The following KIZ variants were observed in gnomAD, a reference collection of about 807,000 sequenced individuals.
The protein encoded by KIZ is kizuna centrosomal protein, also known as centrosomal protein kizuna.
KIZ carries 68 observed loss-of-function variants against 79.6 expected under a neutral mutation model. The ratio of observed to expected loss-of-function variants is 0.85; its 90% confidence interval spans 0.70 to 1.05. The LOEUF is 1.05. Ranked by LOEUF, KIZ falls within the 50% of genes least tolerant of loss-of-function variation. The pLI is 0.00. For synonymous variants in KIZ, 280 were observed against 281.8 expected (o/e 0.99, Z 0.06); for missense variants, 797 against 800.4 (o/e 1.00, Z 0.05).
chr20:21,243,942 G>A (rs1307286312), intron 11 of KIZ, among the ~76,000 whole-genome samples: 1 of 152,174 alleles, frequency 6.6e-6, no homozygotes, highest in Non-Finnish European at 1.5e-5. Flanking sequence ...AGGGGAACAT[G>A]CGATCATCCT....
chr20:21,157,461 A>G (rs2033439407), intron 4 of KIZ, among the ~76,000 whole-genome samples: 1 of 152,170 alleles, frequency 6.6e-6, no homozygotes, highest in South Asian at 2.1e-4. Flanking sequence ...TGTCACAGAG[A>G]GTGGTAAATA....
chr20:21,227,581 T>C (rs927709054), intron 9 of KIZ, among the ~76,000 whole-genome samples: 1 of 152,150 alleles, frequency 6.6e-6, no homozygotes, highest in Non-Finnish European at 1.5e-5. Context: ...CTCCTTACCT[T>C]TAGAATTCAG....
intron 9 of KIZ, 145 bp downstream of exon 9, chr20:21,215,793 A>G: frequency 9.3e-6 from 5 of 537,786 alleles, no homozygotes; most frequent in Admixed American, 3.1e-5. Context: ...TAATCCTAAG[A>G]GCAGAACATA....
chr20:21,153,167 CCTT>C (rs2033204556), intron 4 of KIZ, among the ~76,000 whole-genome samples: 1 of 152,148 alleles, frequency 6.6e-6, no homozygotes, highest in Non-Finnish European at 1.5e-5. Flanking sequence ...CTTAGCTCCT[CCTT>C]GTCACCTCGT....
chr20:21,223,579 T>TA (rs1245999185), intron 9 of KIZ, among the ~76,000 whole-genome samples: 6 of 151,944 alleles, frequency 3.9e-5, no homozygotes, highest in Non-Finnish European at 8.8e-5. Flanking sequence ...TCCTGCCTTT[T>TA]TAAAAAAAAA....
At chr20:21,230,478 C>T (rs543166423) in intron 10 of KIZ, among the ~76,000 whole-genome samples, 2 of 152,170 alleles carry the variant, frequency 1.3e-5, no homozygotes, top group South Asian at 4.1e-4. Flanking sequence ...AAAAGGAAAA[C>T]AAAAAATGTC....
intron 8 of KIZ, 146 bp from the exon 9 acceptor site, chr20:21,215,437 G>T: frequency 1.2e-5 from 5 of 409,602 alleles, no homozygotes; most frequent in Non-Finnish European, 1.8e-5. Context: ...TTTAGAATAG[G>T]TTTCCTTTTA....
At chr20:21,226,926 G>C (rs796398463) in intron 9 of KIZ, among the ~76,000 whole-genome samples, 1 of 152,198 alleles carries the variant, frequency 6.6e-6, no homozygotes, top group African/African-American at 2.4e-5. Context: ...CTCTGGTTGC[G>C]TGGGGCAGGA....
At chr20:21,241,018 T>C (rs1384908118) in intron 11 of KIZ, among the ~76,000 whole-genome samples, 1 of 152,234 alleles carries the variant, frequency 6.6e-6, no homozygotes, top group Non-Finnish European at 1.5e-5. Context: ...TTCTACACTC[T>C]CAGCAAACAT....
At position 21,205,560 on chromosome 20, in the gene KIZ, A is replaced by G. The variant is rs569934407; in HGVS notation, c.1422A>G (p.Glu474=). The stretch of plus-strand genomic sequence containing the variant: ...GTCAGCATGTTGCCACCTTGAAAGA[A>G]CATGATAATTCTGTCAAAGAAGAGG... ...QVGQHVATLK[E]HDNSVKEEAT... Residue 474 remains glutamate, a synonymous_variant, in exon 7 of 13, where the codon GAA becomes GAG. Transcript: ENST00000619189. 43 of 1,543,322 alleles carry G rather than the reference A, an allele frequency of 2.8e-5. No homozygotes were observed. The highest frequency in any genetic ancestry group is 2.2e-4 in the Admixed American group (12 of 54,806).
intron 6 of KIZ, among the ~76,000 whole-genome samples, chr20:21,185,535 G>A (rs1023913524): frequency 6.7e-5 from 10 of 148,548 alleles, no homozygotes; most frequent in African/African-American, 2.2e-4. Context: ...TCAGCCTCCC[G>A]AGTAGCTGGG....
intron 11 of KIZ, among the ~76,000 whole-genome samples, chr20:21,243,550 AT>A (rs2037288528): frequency 6.6e-6 from 1 of 152,206 alleles, no homozygotes; most frequent in South Asian, 2.1e-4. Context: ...GAATCTCAGC[AT>A]CATAAAACAT....
chr20:21,225,896 G>A (rs1265954257), intron 9 of KIZ, among the ~76,000 whole-genome samples: 1 of 152,204 alleles, frequency 6.6e-6, no homozygotes, highest in Non-Finnish European at 1.5e-5. Flanking sequence ...GATACAGACA[G>A]CCCCTTAAAA....
chr20:21,147,241 C>T (rs1399864481), intron 4 of KIZ, among the ~76,000 whole-genome samples: 1 of 151,958 alleles, frequency 6.6e-6, no homozygotes, highest in Non-Finnish European at 1.5e-5. Flanking sequence ...GTTGACAACC[C>T]CTTAAAATGT....
chr20:21,210,443 A>G (rs555113436), intron 7 of KIZ, among the ~76,000 whole-genome samples: 1 of 152,144 alleles, frequency 6.6e-6, no homozygotes, highest in South Asian at 2.1e-4. Context: ...TGTTCTATTT[A>G]CATCATTTCA....
chr20:21,194,427 A>G (rs1443399256), intron 6 of KIZ: 1 of 152,250 alleles, frequency 6.6e-6, no homozygotes, highest in Non-Finnish European at 1.5e-5. Context: ...TCTATAACAC[A>G]TAGTCTTTAA....
At chr20:21,209,234 C>T (rs1397517381) in intron 7 of KIZ, among the ~76,000 whole-genome samples, 1 of 152,138 alleles carries the variant, frequency 6.6e-6, no homozygotes. Context: ...TCTGCAGTGC[C>T]CACATAACCT....
intron 7 of KIZ, among the ~76,000 whole-genome samples, chr20:21,213,291 C>T (rs568059961): frequency 3.9e-4 from 59 of 152,316 alleles, no homozygotes; most frequent in Admixed American, 5.2e-4. Context: ...GCCTTCCGAC[C>T]GGACCTTCCA....
At position 21,162,025 on chromosome 20, in the gene KIZ, C is replaced by T. The variant is rs11553176; in HGVS notation, c.560C>T (p.Ser187Leu). The stretch of plus-strand genomic sequence containing the variant: ...TCTCCCCAGCCCACAAAGAACTTTT[C>T]AATTCCTGACCCACATTCACACCGA... Reference protein sequence around the residue: ...HKSPQPTKNFSIPDPHSHRQT... With the variant: ...HKSPQPTKNFLIPDPHSHRQT... The change falls in exon 5 of 13, where the codon TCA (serine) becomes TTA (leucine). Residue 187 changes from serine to leucine, a missense_variant. Physicochemically the swap from Ser to Leu is moderately radical, Grantham distance 145. Transcript: ENST00000619189. The T allele has an allele frequency of 1.7e-5, 27 of 1,613,850 alleles. No individual in the cohort carries two copies. Among genetic ancestry groups the T allele is most frequent in the Non-Finnish European group, 2.3e-5 (27 of 1,179,890 alleles).
Sources: allele counts gnomAD v4.1 joint callset (sites outside exome capture counted in the v4.1 genomes callset), GRCh38; gene constraint gnomAD v4.1.1; transcripts MANE v1.5; gene names NCBI Gene and HGNC (gene_info 2026-07-23, HGNC 2026-07-21).